Variants in GRID2 observed in about 807,000 individuals in gnomAD.
The protein encoded by GRID2 is glutamate receptor ionotropic, delta-2.
A neutral mutation model predicts 114.8 loss-of-function variants in GRID2; 33 were observed. That is an observed-to-expected ratio of 0.29 (90% confidence interval 0.22 to 0.38). GRID2 has a LOEUF of 0.38. Ranked by LOEUF, GRID2 falls within the 10% of genes least tolerant of loss-of-function variation. The probability of loss-of-function intolerance (pLI) is 1.00; values close to 1 mark genes in which losing one functional copy is unlikely to be tolerated. For synonymous variants in GRID2, 505 were observed against 449.9 expected, an observed-to-expected ratio of 1.12 and a Z score of -1.55; for missense variants, 1,184 against 1,257.7, an observed-to-expected ratio of 0.94 and a Z score of 0.89.
intron 8 of GRID2, among the ~76,000 whole-genome samples, chr4:93,387,744 C>T (rs1489836669): frequency 6.6e-6 from 1 of 150,726 alleles, no homozygotes; most frequent in Non-Finnish European, 1.5e-5. Flanking sequence ...GCAAGAGAAT[C>T]GCTTGAACCT....
intron 1 of GRID2, among the ~76,000 whole-genome samples, chr4:92,570,042 T>C (rs1727533131): frequency 6.6e-6 from 1 of 152,178 alleles, no homozygotes; most frequent in Admixed American, 6.6e-5. Flanking sequence ...TATGCCTATG[T>C]CCTGAAGTGT....
chr4:93,789,132 AC>A (rs1561004301), intron 1 of GRID2, among the ~76,000 whole-genome samples: 1 of 152,238 alleles, frequency 6.6e-6, no homozygotes, highest in Non-Finnish European at 1.5e-5. Flanking sequence ...ATCAGAGTCA[AC>A]AAATACAAAA....
rs1325463805 is a variant in GRID2 at position 92,546,553 on chromosome 4, T to TGC, written c.89-43570_89-43569dup. 1.4e-4 allele frequency among the ~76,000 whole-genome samples: 21 copies of TGC among 152,322 alleles called. No homozygotes were observed. In the East Asian group the frequency reaches 3.1e-3, roughly 22 times the overall value. The stretch of plus-strand genomic sequence containing the variant: ...AATTATACTGATGCATGTGTGTGTG[T>TGC]GCGCGCGCGTGTGCATGCACCTGCA... On this transcript the variant is annotated intron_variant, in intron 1 of 15. Transcript: ENST00000282020.
rs542152744 is a variant in GRID2 at position 92,623,236 on chromosome 4, T to C, written c.244+32950T>C. The stretch of plus-strand genomic sequence containing the variant: ...TTAATATTGTATTCAATAGAATAAG[T>C]ACTTTGTATTCTTCATATGATTAGA... On this transcript the variant is annotated intron_variant, in intron 2 of 15. Transcript: ENST00000282020. Among the ~76,000 whole-genome samples the C allele has an allele frequency of 2.6e-5, 4 of 151,772 alleles. No homozygotes were observed. In the South Asian group the frequency reaches 6.2e-4, roughly 24 times the overall value.
chr4:93,021,510 A>T (rs1281243895), intron 2 of GRID2, among the ~76,000 whole-genome samples: 1 of 147,594 alleles, frequency 6.8e-6, no homozygotes, highest in Admixed American at 6.8e-5. Context: ...AAAAAATAGG[A>T]AATTTTGGGC....
chr4:92,876,358 G>A lies in GRID2; in HGVS notation c.245-208637G>A, dbSNP rs1376360332. ...CTGTCGCCCAGGCTGGAGTGCAGTG[G>A]CACCATCTCGGCTCACTGCAAGCTC... On this transcript the variant is annotated intron_variant, in intron 2 of 15. Transcript: ENST00000282020. 2.0e-5 allele frequency among the ~76,000 whole-genome samples: 3 copies of A among 151,532 alleles called. 1 individual carries two copies. The highest frequency in any genetic ancestry group is 4.2e-4 in the South Asian group (2 of 4,818).
chr4:93,006,538 G>A (rs1041854565), intron 2 of GRID2, among the ~76,000 whole-genome samples: 2 of 151,678 alleles, frequency 1.3e-5, no homozygotes, highest in African/African-American at 4.8e-5. Flanking sequence ...TTCTTTGGTG[G>A]CTCTGTGGCT....
exon 2 of GRID2, chr4:93,808,499 G>A (rs1319865971): frequency 1.3e-5 from 2 of 152,152 alleles, no homozygotes; most frequent in Non-Finnish European, 2.9e-5. Context: ...CCTGAAGGAT[G>A]TACTCTTACC....
intron 13 of GRID2, among the ~76,000 whole-genome samples, chr4:93,593,613 T>C (rs1738666300): frequency 6.6e-6 from 1 of 150,830 alleles, no homozygotes; most frequent in Non-Finnish European, 1.5e-5. Flanking sequence ...CCTTGCTAGA[T>C]TGGGGAAATT....
At chr4:93,779,673 G>A (rs1239815095) in intron 1 of GRID2, among the ~76,000 whole-genome samples, 1 of 152,214 alleles carries the variant, frequency 6.6e-6, no homozygotes, top group Non-Finnish European at 1.5e-5. Context: ...TCTATGAAAA[G>A]AGGAAAAGAA....
At chr4:93,416,709 A>G (rs1767746395) in intron 9 of GRID2, among the ~76,000 whole-genome samples, 1 of 152,118 alleles carries the variant, frequency 6.6e-6, no homozygotes, top group South Asian at 2.1e-4. Flanking sequence ...AGTTGCAAAC[A>G]GTGTTGTAAA....
chr4:92,977,422 T>TA (rs1296459512), intron 2 of GRID2, among the ~76,000 whole-genome samples: 12 of 152,118 alleles, frequency 7.9e-5, no homozygotes, highest in Non-Finnish European at 1.8e-4. Context: ...GAAGAGAAAT[T>TA]AATATAACTG....
chr4:93,614,081 GC>G (rs1346755104), intron 13 of GRID2, among the ~76,000 whole-genome samples: 1 of 152,078 alleles, frequency 6.6e-6, no homozygotes, highest in Non-Finnish European at 1.5e-5. Flanking sequence ...TTTTCCAGGT[GC>G]GTCCGTCACC....
intron 8 of GRID2, among the ~76,000 whole-genome samples, chr4:93,380,270 T>C (rs1763731185): frequency 6.6e-6 from 1 of 151,978 alleles, no homozygotes; most frequent in Non-Finnish European, 1.5e-5. Context: ...ATTGAAGTTA[T>C]GCAGCCACAG....
At chr4:92,371,272 A>C (rs1327476809) in intron 1 of GRID2, among the ~76,000 whole-genome samples, 2 of 152,178 alleles carry the variant, frequency 1.3e-5, no homozygotes, top group African/African-American at 4.8e-5. Context: ...GGCTACACTA[A>C]ACAAGAGACT....
chr4:92,478,241 T>A (rs372145763), intron 1 of GRID2, among the ~76,000 whole-genome samples: 8 of 152,096 alleles, frequency 5.3e-5, no homozygotes, highest in Admixed American at 5.2e-4. Flanking sequence ...AAATAAAAAA[T>A]GTAAGTTACT....
chr4:93,664,212 G>T (rs1170601299), intron 14 of GRID2, among the ~76,000 whole-genome samples: 1 of 152,214 alleles, frequency 6.6e-6, no homozygotes, highest in Non-Finnish European at 1.5e-5. Context: ...AGAGCAGAGA[G>T]GGAGGGTCAC....
chr4:93,041,831 C>T (rs1725542845), intron 2 of GRID2, among the ~76,000 whole-genome samples: 1 of 151,990 alleles, frequency 6.6e-6, no homozygotes, highest in Admixed American at 6.6e-5. Context: ...TTGGTTGGTG[C>T]AAAAGTAACT....
intron 1 of GRID2, among the ~76,000 whole-genome samples, chr4:92,428,118 C>T (rs1170549648): frequency 1.3e-5 from 2 of 151,828 alleles, no homozygotes; most frequent in African/African-American, 4.8e-5. Flanking sequence ...AAAAATTAGC[C>T]GGGCGTGGTG....
Sources: allele counts gnomAD v4.1 joint callset (sites outside exome capture counted in the v4.1 genomes callset), GRCh38; gene constraint gnomAD v4.1.1; transcripts MANE v1.5; gene names NCBI Gene and HGNC (gene_info 2026-07-23, HGNC 2026-07-21).